PTPN14: variants seen among roughly 807,000 people sequenced by gnomAD.
PTPN14 encodes the protein protein tyrosine phosphatase non-receptor type 14.
Under a neutral mutation model 126.8 loss-of-function variants are expected in PTPN14, and 53 were observed. The ratio of observed to expected loss-of-function variants is 0.42; its 90% confidence interval spans 0.34 to 0.53. The LOEUF is 0.53. PTPN14 is among the 20% of genes least tolerant of loss of function. The pLI is 0.08. For missense variants in PTPN14, 1,257 were observed against 1,552.9 expected, an observed-to-expected ratio of 0.81 and a Z score of 3.20; for synonymous variants, 630 against 599.3, an observed-to-expected ratio of 1.05 and a Z score of -0.75.
rs1320912008 is a variant in PTPN14 at position 214,349,299 on chromosome 1, C to T, written c.*8623G>A. On this transcript the variant is annotated 3_prime_UTR_variant, in exon 19 of 19. Transcript: ENST00000366956. The stretch of plus-strand genomic sequence containing the variant: ...AATGTCTGGGTCAGCCCACAAAAGC[C>T]AACCAGATCTGGCTATCACAGCCCT... 1 of 152,228 alleles carries T rather than the reference C, an allele frequency of 6.6e-6. No individual in the cohort carries two copies. The highest frequency in any genetic ancestry group is 1.5e-5 in the Non-Finnish European group (1 of 68,044). 9.4% of individuals were successfully genotyped at this position (152,228 alleles called of 1,614,324 possible).
rs975057453 is a variant in PTPN14, at chr1:214,355,286, C to T, written c.*2636G>A. ...TGACGACCTCAAAGACGCACCAGAT[C>T]TATATGCTGTCCACATGAGACATAT... On this transcript the variant is annotated 3_prime_UTR_variant, in exon 19 of 19. Transcript: ENST00000366956. The T allele has an allele frequency of 6.6e-6, 1 of 152,196 alleles. No individual in the cohort carries two copies. The allele number at this position is 152,196 out of a possible 1,614,324, so 9.4% of individuals were successfully genotyped here.
At chr1:214,429,587 T>G (rs1380063316) in intron 3 of PTPN14, among the ~76,000 whole-genome samples, 1 of 152,208 alleles carries the variant, frequency 6.6e-6, no homozygotes, top group Non-Finnish European at 1.5e-5. Context: ...ACCAGAAGTT[T>G]CCTTGTATAT....
At chr1:214,545,379 G>A (rs181119853) in intron 1 of PTPN14, among the ~76,000 whole-genome samples, 60 of 152,274 alleles carry the variant, frequency 3.9e-4, no homozygotes, top group African/African-American at 1.4e-3. Context: ...CACAGAACAT[G>A]GAGAAAGGTA....
At chr1:214,393,922 G>T in intron 9 of PTPN14, 145 bp from the exon 10 acceptor site, 2 of 678,668 alleles carry the variant, frequency 2.9e-6, no homozygotes, top group Non-Finnish European at 5.1e-6. Flanking sequence ...AGGTAAACCA[G>T]CCTGCTGAAT....
At chr1:214,514,960 C>CGAG (rs965715877) in intron 1 of PTPN14, among the ~76,000 whole-genome samples, 39 of 152,278 alleles carry the variant, frequency 2.6e-4, no homozygotes, top group Middle Eastern at 3.4e-3. Context: ...CTGGCAGCTC[C>CGAG]CCTCCTGTAG....
At chr1:214,396,596 C>A (rs567019488) in intron 8 of PTPN14, among the ~76,000 whole-genome samples, 4 of 152,200 alleles carry the variant, frequency 2.6e-5, no homozygotes, top group Non-Finnish European at 5.9e-5. Context: ...TAACATGACA[C>A]TACAGTAGAT....
At position 214,364,766 on chromosome 1, in the gene PTPN14, AGTGTGTGTGTGTGTGTGTGT is replaced by A. The variant is rs57429060; in HGVS notation, c.3272-111_3272-92del. On this transcript the variant is annotated intron_variant, in intron 17 of 18. Transcript: ENST00000366956. The surrounding 1 kb of genome is among the most constrained non-coding windows in gnomAD (Gnocchi z 4.1). The stretch of plus-strand genomic sequence containing the variant: ...GGGGAGCGGAAGAGAACTGATGGTG[AGTGTGTGTGTGTGTGTGTGT>A]GTGTGTGTGTGTGTGTGTGTTTTAA... The A allele has an allele frequency of 6.8e-6, 4 of 591,890 alleles. No individual in the cohort carries two copies. The highest frequency in any genetic ancestry group is 3.0e-5 in the Admixed American group (1 of 33,158). 36.7% of individuals were successfully genotyped at this position (591,890 alleles called of 1,614,324 possible). A position where few individuals can be genotyped will look rare whatever the true frequency, so the allele number is the denominator to read the frequency against.
chr1:214,468,182 G>A (rs752718623), intron 1 of PTPN14, among the ~76,000 whole-genome samples: 1 of 152,250 alleles, frequency 6.6e-6, no homozygotes, highest in Non-Finnish European at 1.5e-5. Flanking sequence ...ATGGAATTGT[G>A]TTAAGAGATG....
intron 1 of PTPN14, among the ~76,000 whole-genome samples, chr1:214,476,449 T>C (rs1660870553): frequency 6.6e-6 from 1 of 152,164 alleles, no homozygotes; most frequent in Non-Finnish European, 1.5e-5. Context: ...AGTTGTTGCT[T>C]GTGACCTCCC....
chr1:214,448,261 C>T (rs555151005), intron 3 of PTPN14, among the ~76,000 whole-genome samples: 6 of 152,218 alleles, frequency 3.9e-5, no homozygotes, highest in Admixed American at 6.5e-5. Flanking sequence ...GATGGAATCT[C>T]GCTCTGTCGC....
chr1:214,517,664 C>G (rs549412618), intron 1 of PTPN14, among the ~76,000 whole-genome samples: 1 of 152,072 alleles, frequency 6.6e-6, no homozygotes, highest in African/African-American at 2.4e-5. Context: ...GGAAAGGGAC[C>G]CTTCCCTAGT....
At chr1:214,490,107 T>G (rs1226322082) in intron 1 of PTPN14, among the ~76,000 whole-genome samples, 6 of 152,228 alleles carry the variant, frequency 3.9e-5, no homozygotes, top group African/African-American at 1.4e-4. Flanking sequence ...TCCCAAGGCT[T>G]TGAGCAAGTA....
At chr1:214,391,384 T>C (rs1658748074) in intron 10 of PTPN14, among the ~76,000 whole-genome samples, 1 of 152,044 alleles carries the variant, frequency 6.6e-6, no homozygotes, top group African/African-American at 2.4e-5. Flanking sequence ...CTCTTTCTAC[T>C]GTTGTATATA....
At chr1:214,504,622 C>T (rs1306032482) in intron 1 of PTPN14, among the ~76,000 whole-genome samples, 4 of 152,106 alleles carry the variant, frequency 2.6e-5, no homozygotes, top group Admixed American at 6.5e-5. Context: ...GCCATGAAAT[C>T]GTACTAAGAC....
chr1:214,456,695 A>G (rs912746707), intron 2 of PTPN14, among the ~76,000 whole-genome samples: 2 of 152,340 alleles, frequency 1.3e-5, no homozygotes, highest in African/African-American at 2.4e-5. Context: ...GAATACACAG[A>G]AAGATGAAGA....
intron 5 of PTPN14, among the ~76,000 whole-genome samples, chr1:214,404,213 C>T (rs1037873898): frequency 2.6e-5 from 4 of 152,192 alleles, no homozygotes; most frequent in Non-Finnish European, 5.9e-5. Context: ...CTGGAAAGCA[C>T]AGACATAAAT....
chr1:214,362,714 G>T (rs1460654701), intron 18 of PTPN14, among the ~76,000 whole-genome samples: 1 of 152,192 alleles, frequency 6.6e-6, no homozygotes, highest in Non-Finnish European at 1.5e-5. Context: ...CAGGGAATGG[G>T]GAAAGAAGTG....
chr1:214,353,590 C>T lies in PTPN14; in HGVS notation c.*4332G>A, dbSNP rs1480236509. ...CTTTTGGGACCCATACGTCACGTAACAAGTAGGCTGAGGTCAGCTAATACA... is the reference window on the plus strand; with the variant it reads ...CTTTTGGGACCCATACGTCACGTAATAAGTAGGCTGAGGTCAGCTAATACA... On this transcript the variant is annotated 3_prime_UTR_variant, in exon 19 of 19. Transcript: ENST00000366956. 1 of 152,188 alleles carries T rather than the reference C, an allele frequency of 6.6e-6. No homozygotes were observed. The highest frequency in any genetic ancestry group is 1.5e-5 in the Non-Finnish European group (1 of 68,042). The allele number at this position is 152,188 out of a possible 1,614,324, so 9.4% of individuals were successfully genotyped here. A position where few individuals can be genotyped will look rare whatever the true frequency, so the allele number is the denominator to read the frequency against.
At chr1:214,414,192 A>G (rs1219378024) in intron 4 of PTPN14, among the ~76,000 whole-genome samples, 3 of 152,202 alleles carry the variant, frequency 2.0e-5, no homozygotes, top group Non-Finnish European at 4.4e-5. Flanking sequence ...TGGATTTTAA[A>G]TCTACCTCTT....
Sources: gnomAD v4.1 joint callset for allele counts (sites outside exome capture counted in the v4.1 genomes callset) on GRCh38, gnomAD v4.1.1 for gene constraint, Gnocchi (gnomAD v3.1) non-coding constraint, MANE v1.5 for transcripts, NCBI Gene and HGNC (gene_info 2026-07-23, HGNC 2026-07-21) for gene names.